NT5E: variants seen among roughly 807,000 people sequenced by gnomAD.
The protein encoded by NT5E is 5'-nucleotidase ecto, also known as 5'-nucleotidase.
A neutral mutation model predicts 55.1 loss-of-function variants in NT5E; 53 were observed. The ratio of observed to expected loss-of-function variants is 0.96; its 90% CI spans 0.77 to 1.21. The LOEUF (loss-of-function observed/expected upper bound fraction) is 1.21. NT5E is among the 50% of genes most tolerant of loss of function. The probability of loss-of-function intolerance (pLI) is 0.00; values close to 1 mark genes in which losing one functional copy is unlikely to be tolerated. For synonymous variants in NT5E, 270 were observed against 278.4 expected (o/e 0.97, Z 0.30); for missense variants, 683 against 724.3 (o/e 0.94, Z 0.65).
In NT5E at chr6:85,467,296, T is replaced by C; in HGVS notation, c.562+14T>C. The C allele has an allele frequency of 6.2e-7, 1 of 1,603,264 alleles. No homozygotes were observed. The highest frequency in any genetic ancestry group is 8.5e-7 in the Non-Finnish European group (1 of 1,170,386). On this transcript the variant is annotated intron_variant, in intron 2 of 8. Transcript: ENST00000257770. ...TCTCAAATCCAGGTATTTTCTACTTTTATAGCACTCAATGCTTGAAAATAG... is the reference window on the plus strand; with the variant it reads ...TCTCAAATCCAGGTATTTTCTACTTCTATAGCACTCAATGCTTGAAAATAG...
intron 3 of NT5E, among the ~76,000 whole-genome samples, chr6:85,474,945 A>G (rs1331135652): frequency 6.6e-6 from 1 of 152,328 alleles, no homozygotes; most frequent in African/African-American, 2.4e-5. Context: ...AACAACAGCA[A>G]CAACAGCAAA....
At chr6:85,456,240 T>C (rs1768988963) in intron 1 of NT5E, among the ~76,000 whole-genome samples, 1 of 152,186 alleles carries the variant, frequency 6.6e-6, no homozygotes, top group Non-Finnish European at 1.5e-5. Flanking sequence ...GCTTTGCCCA[T>C]CCACTCCCAT....
chr6:85,455,782 T>C (rs1768976788), intron 1 of NT5E, among the ~76,000 whole-genome samples: 1 of 152,162 alleles, frequency 6.6e-6, no homozygotes, highest in Admixed American at 6.5e-5. Flanking sequence ...GTATCAGAAT[T>C]GAATTCAATT....
intron 3 of NT5E, among the ~76,000 whole-genome samples, chr6:85,481,166 G>T (rs901107123): frequency 8.5e-5 from 13 of 152,158 alleles, no homozygotes; most frequent in African/African-American, 2.9e-4. Flanking sequence ...CACATGCTAG[G>T]CAAATTCTAG....
Position 85,450,872 on chromosome 6 carries a change from T to C in NT5E, c.339+394T>C, listed in dbSNP as rs1250223354. 6.6e-6 allele frequency among the ~76,000 whole-genome samples: 1 copy of C among 152,210 alleles called. No homozygotes were observed. The highest frequency in any genetic ancestry group is 1.5e-5 in the Non-Finnish European group (1 of 68,040). Reference sequence around the variant, plus strand: ...AATCTAGATCTTTCGAAAAATGCTTTATCTCAATCTTATTGAAAGGGAAAC... The same window carrying C: ...AATCTAGATCTTTCGAAAAATGCTTCATCTCAATCTTATTGAAAGGGAAAC... On this transcript the variant is annotated intron_variant, in intron 1 of 8. Coordinates refer to ENST00000257770, the MANE Select transcript of NT5E (RefSeq NM_002526.4). The surrounding 1 kb of genome is among the most constrained non-coding windows in gnomAD (Gnocchi z 4.0).
chr6:85,494,650 T>G lies in NT5E; in HGVS notation c.*646T>G, dbSNP rs1167205097. The stretch of plus-strand genomic sequence containing the variant: ...ATCTCTGCTTTATTTCTTGTCTCTA[T>G]TTTTTCACTTTATAGCTCCTGTTAT... On this transcript the variant is annotated 3_prime_UTR_variant, in exon 9 of 9. Transcript: ENST00000257770. 1 of 153,092 alleles carries G rather than the reference T, an allele frequency of 6.5e-6. No homozygotes were observed. Among genetic ancestry groups the G allele is most frequent in the African/African-American group, 2.4e-5 (1 of 41,470 alleles). The allele number at this position is 153,092 out of a possible 1,614,324, so 9.5% of individuals were successfully genotyped here.
intron 3 of NT5E, among the ~76,000 whole-genome samples, chr6:85,472,984 G>A (rs1769349777): frequency 6.6e-6 from 1 of 152,068 alleles, no homozygotes; most frequent in Non-Finnish European, 1.5e-5. Flanking sequence ...ATTGTTCCAT[G>A]GGAAAAGATG....
intron 1 of NT5E, among the ~76,000 whole-genome samples, chr6:85,463,164 A>G (rs1218867066): frequency 1.3e-5 from 2 of 152,126 alleles, no homozygotes; most frequent in South Asian, 4.1e-4. Flanking sequence ...CTCACATTGT[A>G]TTTCTATGAT....
chr6:85,459,606 G>GA (rs1412828666), intron 1 of NT5E, among the ~76,000 whole-genome samples: 1 of 152,000 alleles, frequency 6.6e-6, no homozygotes, highest in Non-Finnish European at 1.5e-5. Flanking sequence ...CAGTATTTTT[G>GA]AAACCCAAAT....
rs1219216685 is a variant in NT5E at position 85,471,228 on chromosome 6, G to A, written c.563-9G>A. ...AATAAATATCCATTTTATTTATTTTGTTCCTTAGGGACAAATTTAGTGTTT... is the reference window on the plus strand; with the variant it reads ...AATAAATATCCATTTTATTTATTTTATTCCTTAGGGACAAATTTAGTGTTT... On this transcript the variant is annotated splice_polypyrimidine_tract_variant and intron_variant, in intron 2 of 8. Coordinates refer to ENST00000257770, the MANE Select transcript of NT5E (RefSeq NM_002526.4). 6.3e-7 allele frequency: 1 copy of A among 1,588,434 alleles called. No individual in the cohort carries two copies. Among genetic ancestry groups the A allele is most frequent in the Admixed American group, 1.7e-5 (1 of 59,494 alleles).
chr6:85,489,132 A>G (rs1769729926), intron 5 of NT5E, among the ~76,000 whole-genome samples: 2 of 152,110 alleles, frequency 1.3e-5, no homozygotes. Flanking sequence ...CCTCAGAATC[A>G]GGCAGAGGGC....
At chr6:85,480,626 G>C in intron 3 of NT5E, among the ~76,000 whole-genome samples, 1 of 152,206 alleles carries the variant, frequency 6.6e-6, no homozygotes, top group East Asian at 1.9e-4. Flanking sequence ...CAGTTTCTGT[G>C]CTGTGCTCGG....
chr6:85,451,230 G>T (rs1326916603), intron 1 of NT5E, among the ~76,000 whole-genome samples: 2 of 152,020 alleles, frequency 1.3e-5, no homozygotes, highest in African/African-American at 4.8e-5. Context: ...AGGAAAGAAA[G>T]AAAGAAAGAG....
chr6:85,491,562 C>T (rs749210952), intron 7 of NT5E, among the ~76,000 whole-genome samples: 2 of 152,196 alleles, frequency 1.3e-5, no homozygotes, highest in African/African-American at 2.4e-5. Context: ...TAGCTCTATG[C>T]CTTGTGGAAG....
chr6:85,464,067 A>ATTTTT (rs67527174), intron 1 of NT5E, among the ~76,000 whole-genome samples: 2 of 98,454 alleles, frequency 2.0e-5, no homozygotes, highest in African/African-American at 3.9e-5. Context: ...GTAGTTAGGA[A>ATTTTT]TTTTTTTTTT....
chr6:85,453,293 C>T (rs989297433), intron 1 of NT5E, among the ~76,000 whole-genome samples: 2 of 152,182 alleles, frequency 1.3e-5, no homozygotes, highest in African/African-American at 4.8e-5. Flanking sequence ...TGATAACCCC[C>T]ATCTTGCAGA....
At chr6:85,451,303 C>G (rs932600488) in intron 1 of NT5E, among the ~76,000 whole-genome samples, 4 of 152,068 alleles carry the variant, frequency 2.6e-5, no homozygotes, top group Non-Finnish European at 5.9e-5. Context: ...CAAAGGATTT[C>G]AATAAAGTAG....
At position 85,471,179 on chromosome 6, in the gene NT5E, TTAAG is replaced by T. The variant is rs1238237877; in HGVS notation, c.563-54_563-51del. 3 of 1,213,034 alleles carry T rather than the reference TTAAG, an allele frequency of 2.5e-6. No individual in the cohort carries two copies. The African/African-American group carries it at 4.5e-5, about 18-fold the overall frequency. 75.1% of individuals were successfully genotyped at this position (1,213,034 alleles called of 1,614,324 possible). A position where few individuals can be genotyped will look rare whatever the true frequency, so the allele number is the denominator to read the frequency against. On this transcript the variant is annotated intron_variant, in intron 2 of 8. Transcript: ENST00000257770. ...TAACCTTTGCATGTTAATATGTATA[TTAAG>T]TAATATAATAAAAATTGTTAATAAA...
intron 4 of NT5E, 24 bp from the exon 5 acceptor site, chr6:85,487,311 G>C (rs1246992009): frequency 6.2e-7 from 1 of 1,602,858 alleles, no homozygotes; most frequent in Non-Finnish European, 8.5e-7. Flanking sequence ...TTAATTGTAG[G>C]GTACCTTCTT....
Sources: allele counts gnomAD v4.1 joint callset (sites outside exome capture counted in the v4.1 genomes callset), GRCh38; gene constraint gnomAD v4.1.1; non-coding constraint Gnocchi (gnomAD v3.1); transcripts MANE v1.5; gene names NCBI Gene and HGNC (gene_info 2026-07-23, HGNC 2026-07-21).